RPS6KC1: variants seen among roughly 807,000 people sequenced by gnomAD.
RPS6KC1 encodes ribosomal protein S6 kinase C1.
In RPS6KC1, 54 loss-of-function variants were observed where a neutral mutation model predicts 103.8. The ratio of observed to expected loss-of-function variants is 0.52; its 90% CI spans 0.42 to 0.65. The LOEUF (loss-of-function observed/expected upper bound fraction) is 0.65. RPS6KC1 is among the 30% of genes least tolerant of loss of function. RPS6KC1 has a pLI of 0.00. For missense variants in RPS6KC1, 1,151 were observed against 1,253.8 expected (o/e 0.92, Z 1.24); for synonymous variants, 439 against 438.7 (o/e 1.00, Z -0.01).
At chr1:213,363,174 C>T in the RPS6KC1 span, among the ~76,000 whole-genome samples, 12 of 152,286 alleles carry the variant, frequency 7.9e-5, no homozygotes, top group African/African-American at 2.6e-4. Context: ...TCTGTTTCCT[C>T]GGTGGGTCAG....
At chr1:213,832,918 GAACTCCT>G in the RPS6KC1 span, among the ~76,000 whole-genome samples, 1 of 152,042 alleles carries the variant, frequency 6.6e-6, no homozygotes, top group Non-Finnish European at 1.5e-5. Flanking sequence ...CCCTTCCTGT[GAACTCCT>G]AACTTAGCTG....
chr1:213,642,894 T>C, the RPS6KC1 span, among the ~76,000 whole-genome samples: 4 of 152,028 alleles, frequency 2.6e-5, no homozygotes, highest in Non-Finnish European at 5.9e-5. Flanking sequence ...GGTAGCGTAT[T>C]TTTTCCCCAA....
intron 8 of RPS6KC1, among the ~76,000 whole-genome samples, chr1:213,216,823 C>T (rs1411888489): frequency 3.3e-5 from 5 of 151,784 alleles, no homozygotes; most frequent in African/African-American, 7.3e-5. Context: ...TTCAAACCAA[C>T]GAGAACAAAG....
chr1:213,249,645 A>G (rs1238265202), intron 12 of RPS6KC1, among the ~76,000 whole-genome samples: 2 of 152,164 alleles, frequency 1.3e-5, no homozygotes, highest in African/African-American at 4.8e-5. Flanking sequence ...CCTGATGGCT[A>G]CTCAGAATGG....
At chr1:213,549,168 T>G in the RPS6KC1 span, among the ~76,000 whole-genome samples, 1 of 152,168 alleles carries the variant, frequency 6.6e-6, no homozygotes, top group Admixed American at 6.5e-5. Flanking sequence ...TTTTTATGTC[T>G]GTGGTGCAGT....
chr1:213,785,577 G>A, the RPS6KC1 span, among the ~76,000 whole-genome samples: 2 of 152,096 alleles, frequency 1.3e-5, no homozygotes, highest in Non-Finnish European at 2.9e-5. Flanking sequence ...TGTCTTGGAG[G>A]GCTGAATTAA....
chr1:213,610,491 A>T, the RPS6KC1 span, among the ~76,000 whole-genome samples: 3 of 152,192 alleles, frequency 2.0e-5, no homozygotes, highest in African/African-American at 2.4e-5. Flanking sequence ...AACCTCGACC[A>T]TCAGGGACAC....
the RPS6KC1 span, among the ~76,000 whole-genome samples, chr1:213,435,132 A>G: frequency 5.9e-5 from 9 of 152,164 alleles, no homozygotes; most frequent in African/African-American, 2.2e-4. Flanking sequence ...TTTCAAGTTT[A>G]CTAATATTTC....
At chr1:213,740,066 G>C in the RPS6KC1 span, among the ~76,000 whole-genome samples, 6 of 152,012 alleles carry the variant, frequency 3.9e-5, no homozygotes, top group African/African-American at 1.4e-4. Context: ...TAATGATTGA[G>C]AGCTGAAAAA....
the RPS6KC1 span, among the ~76,000 whole-genome samples, chr1:213,668,942 G>T: frequency 6.6e-6 from 1 of 152,194 alleles, no homozygotes; most frequent in Non-Finnish European, 1.5e-5. Flanking sequence ...AGACTTCACA[G>T]AATTGAAGAG....
the RPS6KC1 span, among the ~76,000 whole-genome samples, chr1:213,638,558 T>TG: frequency 6.1e-5 from 9 of 146,448 alleles, no homozygotes; most frequent in African/African-American, 2.4e-4. Flanking sequence ...AGATTTGTTT[T>TG]GGGTTTTTTT....
chr1:213,702,302 A>G, the RPS6KC1 span, among the ~76,000 whole-genome samples: 1 of 151,972 alleles, frequency 6.6e-6, no homozygotes, highest in Non-Finnish European at 1.5e-5. Context: ...TTAATTTTTA[A>G]AAAATGTTTT....
the RPS6KC1 span, among the ~76,000 whole-genome samples, chr1:213,686,206 CA>C: frequency 2.0e-5 from 3 of 152,208 alleles, no homozygotes; most frequent in African/African-American, 4.8e-5. Context: ...GGAAGACATC[CA>C]TGCATTTCTA....
the RPS6KC1 span, among the ~76,000 whole-genome samples, chr1:213,806,407 G>C: frequency 1.3e-5 from 2 of 152,194 alleles, no homozygotes; most frequent in African/African-American, 4.8e-5. Context: ...CTCTCATCCA[G>C]GCTTTGCTGT....
At chr1:213,354,593 G>A in the RPS6KC1 span, among the ~76,000 whole-genome samples, 5 of 152,152 alleles carry the variant, frequency 3.3e-5, no homozygotes, top group Non-Finnish European at 7.4e-5. Flanking sequence ...CCAAGGTCAA[G>A]GGGCTGCATC....
the RPS6KC1 span, among the ~76,000 whole-genome samples, chr1:213,510,567 T>A: frequency 6.6e-6 from 1 of 152,194 alleles, no homozygotes; most frequent in African/African-American, 2.4e-5. Context: ...CTGAGCAATA[T>A]AAATTGTGGC....
chr1:213,244,609 G>C (rs2094424129), intron 12 of RPS6KC1, among the ~76,000 whole-genome samples: 1 of 151,934 alleles, frequency 6.6e-6, no homozygotes, highest in Non-Finnish European at 1.5e-5. Context: ...TAACATGTTG[G>C]TATCCTGAGA....
intron 8 of RPS6KC1, among the ~76,000 whole-genome samples, chr1:213,177,808 C>A (rs1167956274): frequency 6.6e-6 from 1 of 152,080 alleles, no homozygotes; most frequent in African/African-American, 2.4e-5. Flanking sequence ...TCTCTTAGAT[C>A]TATTTCTTTG....
the RPS6KC1 span, among the ~76,000 whole-genome samples, chr1:213,681,784 T>G: frequency 6.6e-6 from 1 of 151,894 alleles, no homozygotes; most frequent in Non-Finnish European, 1.5e-5. Context: ...GGTGACAGAG[T>G]GAGACTGTCT....
Sources: allele counts gnomAD v4.1 joint callset (sites outside exome capture counted in the v4.1 genomes callset), GRCh38; gene constraint gnomAD v4.1.1; transcripts MANE v1.5; gene names NCBI Gene and HGNC (gene_info 2026-07-23, HGNC 2026-07-21).